Variants in CSN1S1 observed in about 807,000 individuals in gnomAD.
The protein encoded by CSN1S1 is alpha-S1-casein.
In CSN1S1, 63 loss-of-function variants were observed where a neutral mutation model predicts 49.1. That is an observed-to-expected ratio of 1.28 (90% CI 1.05 to 1.58). The LOEUF is 1.58. Ranked by LOEUF, CSN1S1 falls within the 40% of genes most tolerant of loss-of-function variation. The pLI is 0.00. For synonymous variants in CSN1S1, 78 were observed against 67.1 expected, an observed-to-expected ratio of 1.16 and a Z score of -0.79; for missense variants, 260 against 224.7, an observed-to-expected ratio of 1.16 and a Z score of -1.01.
chr4:69,944,826 C>T (rs1553885308), intron 14 of CSN1S1, 24 bp from the exon 15 acceptor site: 3 of 1,609,892 alleles, frequency 1.9e-6, no homozygotes, highest in Non-Finnish European at 1.7e-6. Context: ...TACACTGTTG[C>T]TTTTCAAATG....
At chr4:69,935,272 C>A (rs1487311673) in intron 4 of CSN1S1, among the ~76,000 whole-genome samples, 1 of 151,486 alleles carries the variant, frequency 6.6e-6, no homozygotes, top group Non-Finnish European at 1.5e-5. Flanking sequence ...GGTGCTGTGG[C>A]TCACACCTGT....
intron 2 of CSN1S1, among the ~76,000 whole-genome samples, 166 bp from the exon 3 acceptor site, chr4:69,934,046 T>C (rs1578131455): frequency 1.3e-5 from 2 of 152,022 alleles, no homozygotes; most frequent in Non-Finnish European, 1.5e-5. Context: ...TCTTTTTTTT[T>C]CCCTGTAGTC....
intron 13 of CSN1S1, 131 bp from the exon 14 acceptor site, chr4:69,942,405 A>G: frequency 2.6e-6 from 2 of 783,144 alleles, no homozygotes; most frequent in Non-Finnish European, 4.1e-6. Flanking sequence ...ATTTTTTGCT[A>G]ACTGTGGCAT....
intron 1 of CSN1S1, among the ~76,000 whole-genome samples, chr4:69,932,046 A>C (rs1360798431): frequency 6.6e-6 from 1 of 151,894 alleles, no homozygotes; most frequent in Non-Finnish European, 1.5e-5. Flanking sequence ...TTTCATGAAG[A>C]CTCTAAAAGA....
chr4:69,934,776 G>T, intron 4 of CSN1S1, 66 bp downstream of exon 4: 1 of 1,407,404 alleles, frequency 7.1e-7, no homozygotes, highest in Non-Finnish European at 1.0e-6. Context: ...TAGCTGTCAT[G>T]CATGTTGAAT....
intron 8 of CSN1S1, 97 bp downstream of exon 8, chr4:69,937,241 C>G (rs1578133772): frequency 2.3e-6 from 2 of 879,268 alleles, no homozygotes; most frequent in South Asian, 3.8e-5. Flanking sequence ...AAAACTATGG[C>G]AGATAACTCT....
At position 69,934,716 on chromosome 4, in the gene CSN1S1, C is replaced by T. The variant is rs1722716873; in HGVS notation, c.105+6C>T. ...ATCCATCAGAGAGCAGTGAGGTAAG[C>T]TCTGTTTATGGGGAGTCAGGATTCT... On this transcript the variant is annotated splice_donor_region_variant and intron_variant, in intron 4 of 15. Transcript: ENST00000246891. 6.2e-6 allele frequency: 10 copies of T among 1,608,560 alleles called. No homozygotes were observed. Among genetic ancestry groups the T allele is most frequent in the Non-Finnish European group, 8.5e-6 (10 of 1,175,974 alleles).
Position 69,935,923 on chromosome 4 carries a change from T to C in CSN1S1, c.106-3T>C, listed in dbSNP as rs1213067787. 8 of 1,520,508 alleles carry C rather than the reference T, an allele frequency of 5.3e-6. No homozygotes were observed. Among genetic ancestry groups the C allele is most frequent in the Non-Finnish European group, 7.1e-6 (8 of 1,123,628 alleles). 94.2% of individuals were successfully genotyped at this position (1,520,508 alleles called of 1,614,324 possible). A position where few individuals can be genotyped will look rare whatever the true frequency, so the allele number is the denominator to read the frequency against. On this transcript the variant is annotated splice_polypyrimidine_tract_variant and splice_region_variant and intron_variant, in intron 4 of 15. Transcript: ENST00000246891. ...AATTTTAACATAACTTTTTTTTTTG[T>C]AGCCTATACCATTAGAATCAAGAGA...
chr4:69,934,675 T>C lies in CSN1S1; in HGVS notation c.85-15T>C, dbSNP rs1482420507. ...AATTGGAATAATACCATTTAAAAAT[T>C]ATTATTTTTTACAGAATCCATCAGA... On this transcript the variant is annotated splice_polypyrimidine_tract_variant and intron_variant, in intron 3 of 15. Transcript: ENST00000246891. The C allele has an allele frequency of 6.2e-7, 1 of 1,603,880 alleles. No homozygotes were observed. Among genetic ancestry groups the C allele is most frequent in the South Asian group, 1.1e-5 (1 of 90,680 alleles).
chr4:69,941,358 C>G (rs554181899), intron 12 of CSN1S1, among the ~76,000 whole-genome samples: 2 of 151,758 alleles, frequency 1.3e-5, no homozygotes, highest in African/African-American at 4.8e-5. Flanking sequence ...TACATTATGT[C>G]CTGGTTGAGA....
Position 69,936,476 on chromosome 4 carries a change from C to A in CSN1S1, c.150C>A (p.Asn50Lys). Residue 50 changes from asparagine to lysine, a missense_variant, in exon 6 of 16, where the codon AAC (asparagine) becomes AAA (lysine). By Grantham distance (94) the Asn-to-Lys change is moderately conservative (BLOSUM62 0). Transcript: ENST00000246891. ...ESREEYMNGM[N>K]RQRNILREKQ... The stretch of plus-strand genomic sequence containing the variant: ...CTAAGGAATACATGAATGGTATGAA[C>A]AGGGTAAGAAACATCAATGAAATTT... The A allele has an allele frequency of 6.4e-7, 1 of 1,570,904 alleles. No individual in the cohort carries two copies. Among genetic ancestry groups the A allele is most frequent in the Non-Finnish European group, 8.7e-7 (1 of 1,143,484 alleles).
rs538860796 is a variant in CSN1S1 at position 69,944,912 on chromosome 4, C to T, written c.465C>T (p.Ile155=). 6.2e-7 allele frequency: 1 copy of T among 1,612,986 alleles called. No homozygotes were observed. Among genetic ancestry groups the T allele is most frequent in the Non-Finnish European group, 8.5e-7 (1 of 1,179,256 alleles). The change falls in exon 15 of 16, where the codon ATC becomes ATT. Residue 155 remains isoleucine (I), a synonymous_variant. Transcript: ENST00000246891. Reference sequence around the variant, plus strand: ...ATGCTGTTTGGTACTATCCACAAATCATGCAGTATGTTCCTTTCCCACCGT... The same window carrying T: ...ATGCTGTTTGGTACTATCCACAAATTATGCAGTATGTTCCTTTCCCACCGT... The part of the protein sequence containing the change: ...YPYAVWYYPQ[I]MQYVPFPPFS...
chr4:69,945,006 T>C lies in CSN1S1; in HGVS notation c.557+2T>C, dbSNP rs1424869577. On this transcript the variant is annotated splice_donor_variant, in intron 15 of 15. Transcript: ENST00000246891. LOFTEE classifies it high-confidence loss of function. ...AAATAACGTCATGCTACAGTGGTGGTAAGTTCATTTAAATTACTACATCTT... is the reference window on the plus strand; with the variant it reads ...AAATAACGTCATGCTACAGTGGTGGCAAGTTCATTTAAATTACTACATCTT... The C allele has an allele frequency of 1.9e-6, 3 of 1,612,144 alleles. No individual in the cohort carries two copies. The highest frequency in any genetic ancestry group is 2.5e-6 in the Non-Finnish European group (3 of 1,178,754).
intron 10 of CSN1S1, 104 bp from the exon 11 acceptor site, chr4:69,939,917 T>C: frequency 4.5e-6 from 3 of 673,174 alleles, no homozygotes; most frequent in Non-Finnish European, 7.4e-6. Flanking sequence ...CTAAAATCAA[T>C]TCACTGCAAT....
intron 14 of CSN1S1, among the ~76,000 whole-genome samples, chr4:69,942,981 A>C (rs1329423075): frequency 6.6e-6 from 1 of 150,990 alleles, no homozygotes; most frequent in Non-Finnish European, 1.5e-5. Flanking sequence ...AAAGCCATGG[A>C]ACATCCTCCA....
chr4:69,943,462 G>A (rs902193084), intron 14 of CSN1S1, among the ~76,000 whole-genome samples: 2 of 151,958 alleles, frequency 1.3e-5, no homozygotes, highest in Admixed American at 1.3e-4. Context: ...TGGGATTACA[G>A]GCATGACCTA....
At chr4:69,937,606 C>T (rs149131751) in intron 8 of CSN1S1, among the ~76,000 whole-genome samples, 194 bp from the exon 9 acceptor site, 66 of 151,660 alleles carry the variant, frequency 4.4e-4, no homozygotes, top group South Asian at 8.3e-4. Context: ...GAATCCGAAA[C>T]GTTTTATTTA....
chr4:69,931,669 C>A (rs1560384433), intron 1 of CSN1S1, among the ~76,000 whole-genome samples: 2 of 149,438 alleles, frequency 1.3e-5, no homozygotes, highest in East Asian at 3.9e-4. Context: ...CAAAAATATG[C>A]CTTTTTTATT....
intron 2 of CSN1S1, among the ~76,000 whole-genome samples, chr4:69,933,505 T>A (rs1409891964): frequency 6.6e-6 from 1 of 151,996 alleles, no homozygotes; most frequent in Non-Finnish European, 1.5e-5. Context: ...GTTTATGCTA[T>A]AAACTAAGCA....
Sources: allele counts gnomAD v4.1 joint callset (sites outside exome capture counted in the v4.1 genomes callset), GRCh38; gene constraint gnomAD v4.1.1; transcripts MANE v1.5; gene names NCBI Gene and HGNC (gene_info 2026-07-23, HGNC 2026-07-21).